The following ZNF407 variants were observed in gnomAD, a reference collection of about 807,000 sequenced individuals.
ZNF407 encodes zinc finger protein 407.
In ZNF407, 17 loss-of-function variants were observed where a neutral mutation model predicts 131.2. That is an observed-to-expected ratio of 0.13 (90% CI 0.09 to 0.19). The LOEUF (loss-of-function observed/expected upper bound fraction) is 0.19, where lower values mean the gene tolerates loss of function less well. ZNF407 is among the 10% of genes least tolerant of loss of function. The pLI is 1.00. For synonymous variants in ZNF407, 1,156 were observed against 1,062.0 expected (o/e 1.09, Z -1.72); for missense variants, 2,681 against 2,830.6 (o/e 0.95, Z 1.20).
intron 4 of ZNF407, among the ~76,000 whole-genome samples, chr18:74,870,434 A>C (rs1971070687): frequency 6.6e-6 from 1 of 152,172 alleles, no homozygotes; most frequent in Non-Finnish European, 1.5e-5. Context: ...AGGTTTTTCA[A>C]CTTTCGTCTT....
chr18:74,722,013 A>G lies in ZNF407; in HGVS notation c.4803-59415A>G, dbSNP rs181438944. Among the ~76,000 whole-genome samples, 274 of 148,610 alleles carry G rather than the reference A, an allele frequency of 1.8e-3. 5 individuals are homozygous for G. Among genetic ancestry groups the G allele is most frequent in the African/African-American group, 5.9e-3 (240 of 40,522 alleles). ...ATGGTATGAAGTTAGCTGTTCTTGT[A>G]TGTGATGAAACTTTTTTGTTGCTTG... is the stretch of plus-strand genomic sequence containing the variant. On this transcript the variant is annotated intron_variant, in intron 3 of 8. Coordinates refer to ENST00000299687, the MANE Select transcript of ZNF407 (RefSeq NM_017757.3).
In ZNF407 at chr18:75,064,303, G is replaced by A. The variant is rs185467235; in HGVS notation, c.6582G>A (p.Ala2194=). The A allele has an allele frequency of 2.0e-4, 324 of 1,601,784 alleles. 1 individual carries two copies. The highest frequency in any genetic ancestry group is 1.9e-4 in the Non-Finnish European group (227 of 1,175,102). ...ACTCCCACACCGTGCTGGAGACTGC[G>A]GACTCGCAGGAACTCCTGCAGGCCG... is the stretch of plus-strand genomic sequence containing the variant. ...GLYSHTVLET[A]DSQELLQAGA... The change falls in exon 9 of 9, where the codon GCG becomes GCA. Residue 2194 remains alanine, a synonymous_variant. Transcript: ENST00000299687.
intron 1 of ZNF407, among the ~76,000 whole-genome samples, chr18:74,621,773 T>C (rs1983521553): frequency 6.6e-6 from 1 of 152,200 alleles, no homozygotes; most frequent in Non-Finnish European, 1.5e-5. Flanking sequence ...AAAGGGAATG[T>C]CAAAAGAACT....
chr18:74,638,820 G>A, intron 2 of ZNF407, among the ~76,000 whole-genome samples: 1 of 152,086 alleles, frequency 6.6e-6, no homozygotes, highest in African/African-American at 2.4e-5. Context: ...TTACAATTTT[G>A]TCTTATAAAC....
intron 8 of ZNF407, among the ~76,000 whole-genome samples, chr18:75,043,306 G>A (rs928670757): frequency 6.6e-6 from 1 of 152,140 alleles, no homozygotes; most frequent in Non-Finnish European, 1.5e-5. Flanking sequence ...TGTGTAAATT[G>A]TTCTCAGTTT....
chr18:75,025,105 GT>G (rs1973156383), intron 8 of ZNF407, among the ~76,000 whole-genome samples: 4 of 152,166 alleles, frequency 2.6e-5, no homozygotes, highest in Admixed American at 2.6e-4. Context: ...GTAACCATAT[GT>G]TTTTGCTTGA....
intron 3 of ZNF407, among the ~76,000 whole-genome samples, chr18:74,729,866 T>G (rs145172850): frequency 8.2e-4 from 125 of 152,338 alleles, no homozygotes; most frequent in Non-Finnish European, 1.4e-3. Context: ...TGTGACAGTT[T>G]TGGCCGGCAA....
At chr18:74,666,636 C>A (rs1371843940) in intron 3 of ZNF407, among the ~76,000 whole-genome samples, 1 of 152,144 alleles carries the variant, frequency 6.6e-6, no homozygotes, top group Non-Finnish European at 1.5e-5. Context: ...TTCATTCTCC[C>A]TTCCTAGTGG....
chr18:74,778,875 G>T (rs953768508), intron 3 of ZNF407, among the ~76,000 whole-genome samples: 17 of 151,972 alleles, frequency 1.1e-4, no homozygotes, highest in South Asian at 2.1e-4. Context: ...TGGGAGCAAG[G>T]CATGCCAATT....
At position 74,680,583 on chromosome 18, in the gene ZNF407, C is replaced by T. The variant is rs117642294; in HGVS notation, c.4802+39461C>T. Among the ~76,000 whole-genome samples, 537 of 152,126 alleles carry T rather than the reference C, an allele frequency of 3.5e-3. 1 individual carries two copies. The highest frequency in any genetic ancestry group is 5.8e-3 in the Non-Finnish European group (395 of 67,992). ...TTCTTTGACCATCAAATACAACTCC[C>T]GCCCCTCTGTTTTTTTGTATGTGTG... is the stretch of plus-strand genomic sequence containing the variant. On this transcript the variant is annotated intron_variant, in intron 3 of 8. Transcript: ENST00000299687.
intron 4 of ZNF407, among the ~76,000 whole-genome samples, chr18:74,787,249 C>G (rs934955728): frequency 2.6e-5 from 4 of 151,998 alleles, no homozygotes; most frequent in African/African-American, 9.7e-5. Flanking sequence ...GCTAATAAAC[C>G]AACAATTTAC....
intron 4 of ZNF407, among the ~76,000 whole-genome samples, chr18:74,854,105 T>A (rs1299012452): frequency 6.6e-6 from 1 of 152,110 alleles, no homozygotes; most frequent in Non-Finnish European, 1.5e-5. Context: ...AGGGTCAGCG[T>A]GAGGGGTTTA....
At chr18:74,639,922 TATG>T (rs1419534585) in intron 2 of ZNF407, among the ~76,000 whole-genome samples, 10 of 152,148 alleles carry the variant, frequency 6.6e-5, no homozygotes, top group Non-Finnish European at 1.3e-4. Context: ...ATTGATCAAA[TATG>T]ATTTATTACA....
At chr18:74,824,822 C>T (rs555494840) in intron 4 of ZNF407, among the ~76,000 whole-genome samples, 1 of 152,212 alleles carries the variant, frequency 6.6e-6, no homozygotes, top group South Asian at 2.1e-4. Context: ...GAAACTATTC[C>T]AAAGAATATA....
At chr18:74,686,071 G>A (rs541115374) in intron 3 of ZNF407, among the ~76,000 whole-genome samples, 1 of 152,180 alleles carries the variant, frequency 6.6e-6, no homozygotes, top group Non-Finnish European at 1.5e-5. Context: ...ATATAGGTAT[G>A]GCTTCCATAT....
chr18:74,746,935 G>A (rs898835112), intron 3 of ZNF407, among the ~76,000 whole-genome samples: 9 of 152,210 alleles, frequency 5.9e-5, no homozygotes, highest in African/African-American at 2.2e-4. Context: ...ACCTTTATAT[G>A]TTTGACAGCA....
chr18:74,916,343 T>A (rs1434354304), intron 7 of ZNF407, among the ~76,000 whole-genome samples: 2 of 49,034 alleles, frequency 4.1e-5, no homozygotes, highest in Non-Finnish European at 7.7e-5. Context: ...GAATCGGGAG[T>A]GTGTGTGTGT....
intron 1 of ZNF407, among the ~76,000 whole-genome samples, chr18:74,621,089 G>T (rs1320165971): frequency 9.6e-6 from 1 of 104,694 alleles, no homozygotes. Flanking sequence ...TTTAAAACTC[G>T]CTCTACTGTA....
intron 2 of ZNF407, among the ~76,000 whole-genome samples, chr18:74,638,353 T>C (rs535625804): frequency 1.3e-5 from 2 of 151,714 alleles, no homozygotes; most frequent in South Asian, 4.2e-4. Flanking sequence ...GATGAGTGAA[T>C]AAATGAACGA....
Sources: gnomAD v4.1 joint callset for allele counts (sites outside exome capture counted in the v4.1 genomes callset) on GRCh38, gnomAD v4.1.1 for gene constraint, MANE v1.5 for transcripts, NCBI Gene and HGNC (gene_info 2026-07-23, HGNC 2026-07-21) for gene names.